The following SMARCE1 variants were observed in gnomAD, a reference collection of about 807,000 sequenced individuals.
SMARCE1 encodes SWI/SNF related BAF chromatin remodeling complex subunit E1, also known as SWI/SNF-related matrix-associated actin-dependent regulator of chromatin subfamily E member 1.
In SMARCE1, 13 loss-of-function variants were observed where a neutral mutation model predicts 54.9. The observed-to-expected ratio is 0.24, with a 90% confidence interval of 0.15 to 0.38. The LOEUF is 0.38. Among genes scored for constraint, SMARCE1 ranks in the 10% least tolerant of loss-of-function variants. The probability of loss-of-function intolerance (pLI) is 1.00; values close to 1 mark genes in which losing one functional copy is unlikely to be tolerated. For synonymous variants in SMARCE1, 151 were observed against 175.3 expected (o/e 0.86, Z 1.10); for missense variants, 295 against 523.8 (o/e 0.56, Z 4.26).
Position 40,628,942 on chromosome 17 carries a change from CCTT to C in SMARCE1, c.1076_1078del (p.Glu359del), listed in dbSNP as rs765354113. 5.8e-5 allele frequency: 94 copies of C among 1,613,710 alleles called. No individual in the cohort carries two copies. Among genetic ancestry groups the C allele is most frequent in the Non-Finnish European group, 7.5e-5 (88 of 1,179,844 alleles). ...CTCCTTGTCCTCAGGAGTAGACGTG[CCTT>C]CTTCACCATTCTGTTGGCTCTCTGT... On this transcript the variant is annotated inframe_deletion, in exon 11 of 11. Transcript: ENST00000348513.
intron 5 of SMARCE1, 89 bp from the exon 6 acceptor site, chr17:40,636,615 T>C (rs1161936823): frequency 3.8e-6 from 4 of 1,044,566 alleles, no homozygotes; most frequent in African/African-American, 3.2e-5. Flanking sequence ...CTTTTCAACA[T>C]ACAAAGCAGA....
At chr17:40,631,066 A>C in intron 9 of SMARCE1, 142 bp from the exon 10 acceptor site, 1 of 649,964 alleles carries the variant, frequency 1.5e-6, no homozygotes, top group Non-Finnish European at 2.6e-6. Flanking sequence ...GTGTGCCAAA[A>C]AAATGTGGTT....
intron 3 of SMARCE1, chr17:40,644,545 C>T (rs1293621571): frequency 6.6e-6 from 1 of 152,042 alleles, no homozygotes; most frequent in African/African-American, 2.4e-5. Context: ...TTATAGTCTA[C>T]TGGAATTAAC....
At chr17:40,644,235 G>A (rs1567849434) in intron 3 of SMARCE1, 1 of 151,980 alleles carries the variant, frequency 6.6e-6, no homozygotes, top group South Asian at 2.1e-4. Flanking sequence ...TCAAGATGAT[G>A]CATTGTCAGA....
Position 40,627,690 on chromosome 17 carries a change from G to C in SMARCE1, c.*1095C>G, listed in dbSNP as rs1297224420. ...CTTGTCTTGCATACAAATATGTAGT[G>C]CATTAAAAACACTGAGACCTTTTTT... is the stretch of plus-strand genomic sequence containing the variant. On this transcript the variant is annotated 3_prime_UTR_variant, in exon 11 of 11. Coordinates refer to ENST00000348513, the MANE Select transcript of SMARCE1 (RefSeq NM_003079.5). 6.7e-6 allele frequency: 1 copy of C among 149,168 alleles called. No individual in the cohort carries two copies. Among genetic ancestry groups the C allele is most frequent in the Admixed American group, 6.8e-5 (1 of 14,796 alleles). 9.2% of individuals were successfully genotyped at this position (149,168 alleles called of 1,614,324 possible).
intron 3 of SMARCE1, chr17:40,645,211 G>A (rs2037243018): frequency 2.9e-6 from 1 of 348,168 alleles, no homozygotes. Flanking sequence ...CCAGTTGAAG[G>A]TTAGGTTTAA....
Position 40,635,851 on chromosome 17 carries a change from T to A in SMARCE1, c.541+80A>T, listed in dbSNP as rs80319663. On this transcript the variant is annotated intron_variant, in intron 7 of 10. Coordinates refer to ENST00000348513, the MANE Select transcript of SMARCE1 (RefSeq NM_003079.5). ...TTTCTTTTCCATTTAGGATAAGAAATAAAAACTTATACTTAAGAGATTTCT... is the reference window on the plus strand; with the variant it reads ...TTTCTTTTCCATTTAGGATAAGAAAAAAAAACTTATACTTAAGAGATTTCT... 4,784 of 1,075,676 alleles carry A rather than the reference T, an allele frequency of 4.4e-3. 195 individuals carry two copies. The African/African-American group carries it at 0.07, about 16-fold the overall frequency. The allele number at this position is 1,075,676 out of a possible 1,614,324, so 66.6% of individuals were successfully genotyped here.
intron 8 of SMARCE1, 65 bp from the exon 9 acceptor site, chr17:40,631,758 T>G (rs1260429469): frequency 6.9e-6 from 6 of 872,520 alleles, no homozygotes; most frequent in Non-Finnish European, 1.1e-5. Flanking sequence ...TTTCAAACAG[T>G]GTACCAAATA....
chr17:40,631,361 T>C (rs1266175388), intron 9 of SMARCE1: 4 of 401,672 alleles, frequency 1.0e-5, no homozygotes, highest in Admixed American at 8.0e-5. Context: ...GGCTCTAGCA[T>C]TTACAGGCCT....
intron 4 of SMARCE1, among the ~76,000 whole-genome samples, chr17:40,639,101 T>C (rs918057862): frequency 2.6e-5 from 4 of 152,164 alleles, no homozygotes; most frequent in Non-Finnish European, 5.9e-5. Context: ...AGACAGACAC[T>C]GTTTTTGGCC....
At chr17:40,636,334 A>G in intron 6 of SMARCE1, 61 bp downstream of exon 6, 1 of 1,526,836 alleles carries the variant, frequency 6.5e-7, no homozygotes, top group Non-Finnish European at 9.0e-7. Context: ...TTTTATAAAT[A>G]GTAAGCCAAT....
Position 40,625,329 on chromosome 17 carries a change from CTCCGAGT to C in SMARCE1, c.*3449_*3455del, listed in dbSNP as rs1392731571. On this transcript the variant is annotated 3_prime_UTR_variant, in exon 11 of 11. Transcript: ENST00000348513. ...TTCAGCACGATTTCTTCTAAAAAGGCTCCGAGTTCCTTTGAGCTTGTTATTGTACAGT... is the reference window on the plus strand; with the variant it reads ...TTCAGCACGATTTCTTCTAAAAAGGCTCCTTTGAGCTTGTTATTGTACAGT... The C allele has an allele frequency of 5.9e-5, 9 of 152,344 alleles. No homozygotes were observed. Among genetic ancestry groups the C allele is most frequent in the African/African-American group, 2.2e-4 (9 of 41,568 alleles). 9.4% of individuals were successfully genotyped at this position (152,344 alleles called of 1,614,324 possible). A position where few individuals can be genotyped will look rare whatever the true frequency, so the allele number is the denominator to read the frequency against.
At chr17:40,637,740 A>C (rs1382160727) in intron 4 of SMARCE1, 168 bp from the exon 5 acceptor site, 2 of 598,756 alleles carry the variant, frequency 3.3e-6, no homozygotes, top group African/African-American at 1.9e-5. Flanking sequence ...AAAGAAAATG[A>C]CTTTAAGCAC....
At chr17:40,636,957 G>A (rs2037151877) in intron 5 of SMARCE1, 2 of 149,854 alleles carry the variant, frequency 1.3e-5, no homozygotes, top group Non-Finnish European at 2.8e-5. Flanking sequence ...CTAGATAGTG[G>A]TTATAATGCT....
intron 3 of SMARCE1, chr17:40,643,226 A>G (rs1275278461): frequency 6.6e-6 from 1 of 152,228 alleles, no homozygotes; most frequent in Non-Finnish European, 1.5e-5. Context: ...ATTCTGGGGT[A>G]CTATCTGATC....
chr17:40,634,903 C>T (rs1262919999), intron 7 of SMARCE1: 3 of 152,182 alleles, frequency 2.0e-5, no homozygotes, highest in African/African-American at 7.2e-5. Context: ...GTGTCTTTAG[C>T]ACTGCTGATT....
intron 6 of SMARCE1, 56 bp from the exon 7 acceptor site, chr17:40,636,158 G>T: frequency 7.2e-7 from 1 of 1,397,054 alleles, no homozygotes; most frequent in Non-Finnish European, 9.9e-7. Flanking sequence ...TTATAATGCA[G>T]ACCTATGTTA....
At chr17:40,631,126 A>G in intron 9 of SMARCE1, 1 of 554,932 alleles carries the variant, frequency 1.8e-6, no homozygotes, top group Non-Finnish European at 3.1e-6. Flanking sequence ...CAGCAGCTCT[A>G]GCAGTTGTAT....
intron 7 of SMARCE1, chr17:40,632,892 T>C (rs2037109490): frequency 6.6e-6 from 1 of 152,570 alleles, no homozygotes; most frequent in African/African-American, 2.4e-5. Context: ...CAAGTAATTT[T>C]ATAGAAGAAA....
Sources: gnomAD v4.1 joint callset for allele counts (sites outside exome capture counted in the v4.1 genomes callset) on GRCh38, gnomAD v4.1.1 for gene constraint, MANE v1.5 for transcripts, NCBI Gene and HGNC (gene_info 2026-07-23, HGNC 2026-07-21) for gene names.